The following FBXW8 variants were observed in gnomAD, a reference collection of about 807,000 sequenced individuals.
FBXW8 encodes F-box/WD repeat-containing protein 8.
Under a neutral mutation model 65.3 loss-of-function variants are expected in FBXW8, and 57 were observed. The observed-to-expected ratio is 0.87, with a 90% CI of 0.71 to 1.09. FBXW8 has a LOEUF of 1.09. Among genes scored for constraint, FBXW8 ranks in the 50% least tolerant of loss-of-function variants. FBXW8 has a pLI of 0.00. For synonymous variants in FBXW8, 308 were observed against 330.2 expected (o/e 0.93, Z 0.73); for missense variants, 777 against 814.8 (o/e 0.95, Z 0.57).
At chr12:117,002,561 AT>A (rs774630309) in intron 7 of FBXW8, 35 of 152,284 alleles carry the variant, frequency 2.3e-4, no homozygotes, top group Middle Eastern at 6.8e-3. Flanking sequence ...CACCTTTGGG[AT>A]GGTGGTGAAA....
In FBXW8 at chr12:116,985,361, G is replaced by A; in HGVS notation, c.991G>A (p.Gly331Arg). ...DVVMLSPNEE[G>R]YWQIAAEFEV... ...CGTGATGTTATCCCCCAATGAGGAG[G>A]GGTACTGGCAGATAGCTGCGGAATT... Residue 331 changes from glycine to arginine, a missense_variant, in exon 6 of 11, where the codon GGG (glycine) becomes AGG (arginine). Physicochemically the swap from Gly to Arg is moderately radical, Grantham distance 125. Transcript: ENST00000652555. 6.2e-7 allele frequency: 1 copy of A among 1,613,664 alleles called. No individual in the cohort carries two copies. Among genetic ancestry groups the A allele is most frequent in the Middle Eastern group, 1.7e-4 (1 of 6,058 alleles).
intron 7 of FBXW8, among the ~76,000 whole-genome samples, chr12:117,008,467 C>A (rs180925222): frequency 6.6e-6 from 1 of 152,188 alleles, no homozygotes; most frequent in Admixed American, 6.5e-5. Flanking sequence ...TTTTTCTTTT[C>A]AACTGCAATT....
At chr12:116,971,567 C>T (rs942614199) in intron 5 of FBXW8, among the ~76,000 whole-genome samples, 1 of 152,014 alleles carries the variant, frequency 6.6e-6, no homozygotes, top group Non-Finnish European at 1.5e-5. Flanking sequence ...TCCTCAGTGA[C>T]AGGAGCTTGA....
intron 4 of FBXW8, among the ~76,000 whole-genome samples, chr12:116,956,310 T>C (rs939454896): frequency 6.6e-6 from 1 of 152,140 alleles, no homozygotes; most frequent in Non-Finnish European, 1.5e-5. Context: ...CCATTAGCGC[T>C]CTTCTTACCC....
intron 5 of FBXW8, among the ~76,000 whole-genome samples, chr12:116,982,454 C>T (rs1354404657): frequency 6.6e-6 from 1 of 152,132 alleles, no homozygotes; most frequent in Non-Finnish European, 1.5e-5. Flanking sequence ...AATGATTTTG[C>T]ACCTAAAAAT....
In FBXW8 at chr12:116,996,906, C is replaced by T. The variant is rs182836375; in HGVS notation, c.1239+8037C>T. 8.4e-4 allele frequency among the ~76,000 whole-genome samples: 128 copies of T among 152,240 alleles called. No individual in the cohort carries two copies. The East Asian group carries it at 0.018, about 22-fold the overall frequency. On this transcript the variant is annotated intron_variant, in intron 7 of 10. Transcript: ENST00000652555. ...GGGATTACAGCCTTGTGGTCCTTAA[C>T]AGCGACTTGGCGATGTAAAGGAGGC...
Position 117,028,060 on chromosome 12 carries a change from C to T in FBXW8, c.1685C>T (p.Ala562Val), listed in dbSNP as rs536148392. 27 of 1,613,924 alleles carry T rather than the reference C, an allele frequency of 1.7e-5. No individual in the cohort carries two copies. The highest frequency in any genetic ancestry group is 2.7e-5 in the African/African-American group (2 of 74,930). ...HRGLIRAYEF[A>V]VDQLAFQSPL... ...GGGCTGATCCGCGCCTATGAGTTTG[C>T]GGTGGACCAGCTGGCCTTCCAGAGC... Residue 562 changes from alanine to valine, a missense_variant, in exon 11 of 11, where the codon GCG (alanine) becomes GTG (valine). Transcript: ENST00000652555. This position sits in a 1 kb window ranked among gnomAD's most constrained non-coding sequence, Gnocchi z 4.1.
chr12:117,015,687 G>A (rs1953934199), intron 8 of FBXW8, among the ~76,000 whole-genome samples: 1 of 152,188 alleles, frequency 6.6e-6, no homozygotes, highest in South Asian at 2.1e-4. Flanking sequence ...CAGCTGTACT[G>A]AGATTTAATT....
intron 8 of FBXW8, among the ~76,000 whole-genome samples, chr12:117,018,579 GTGCTGTC>G (rs1439098350): frequency 1.6e-4 from 24 of 149,284 alleles, no homozygotes; most frequent in African/African-American, 5.3e-4. Flanking sequence ...TTAGCACACT[GTGCTGTC>G]TGCTGTTTCT....
chr12:116,911,292 T>C lies in FBXW8; in HGVS notation c.255T>C (p.Ser85=). The change falls in exon 1 of 11, where the codon TCT becomes TCC. Residue 85 remains serine (S), a synonymous_variant. Transcript: ENST00000652555. The part of the protein sequence containing the change: ...EGQDVASRSR[S]PLAREGAGGG... ...AGGACGTAGCGAGCCGCTCACGTTCTCCTCTGGCCCGCGAGGGCGCCGGGG... is the reference window on the plus strand; with the variant it reads ...AGGACGTAGCGAGCCGCTCACGTTCCCCTCTGGCCCGCGAGGGCGCCGGGG... 7.9e-7 allele frequency: 1 copy of C among 1,268,728 alleles called. No individual in the cohort carries two copies. Among genetic ancestry groups the C allele is most frequent in the Non-Finnish European group, 9.9e-7 (1 of 1,010,250 alleles). The allele number at this position is 1,268,728 out of a possible 1,614,324, so 78.6% of individuals were successfully genotyped here.
chr12:116,926,711 C>A (rs1240974884), intron 1 of FBXW8, among the ~76,000 whole-genome samples: 3 of 151,938 alleles, frequency 2.0e-5, no homozygotes, highest in South Asian at 4.2e-4. Flanking sequence ...TTCTCTTTGC[C>A]CACAGAGAGC....
intron 8 of FBXW8, among the ~76,000 whole-genome samples, chr12:117,018,822 T>C (rs970173124): frequency 2.0e-5 from 3 of 152,244 alleles, no homozygotes; most frequent in South Asian, 4.1e-4. Flanking sequence ...TTTGAACTTC[T>C]GGACCAAATT....
Position 116,982,997 on chromosome 12 carries a change from G to C in FBXW8, c.836-2209G>C, listed in dbSNP as rs534333340. ...ATAACAAGTGGCTTTGGACCAAGTT[G>C]TTTAACCGCTCGGTGCTTCTGTTTC... On this transcript the variant is annotated intron_variant, in intron 5 of 10. Transcript: ENST00000652555. 1.1e-4 allele frequency among the ~76,000 whole-genome samples: 17 copies of C among 152,278 alleles called. No homozygotes were observed. The South Asian group carries it at 3.3e-3, about 30-fold the overall frequency.
intron 7 of FBXW8, among the ~76,000 whole-genome samples, chr12:116,995,849 C>G (rs953693468): frequency 1.3e-5 from 2 of 152,174 alleles, no homozygotes; most frequent in Admixed American, 1.3e-4. Context: ...GTTAATGTAG[C>G]CTTCGTGCCC....
intron 7 of FBXW8, among the ~76,000 whole-genome samples, chr12:116,993,251 G>A (rs375864228): frequency 2.8e-4 from 43 of 151,772 alleles, no homozygotes; most frequent in African/African-American, 9.4e-4. Flanking sequence ...TTACAGGCAC[G>A]TGCCACCACG....
At chr12:116,962,004 G>A (rs938569605) in intron 4 of FBXW8, among the ~76,000 whole-genome samples, 1 of 152,144 alleles carries the variant, frequency 6.6e-6, no homozygotes, top group Non-Finnish European at 1.5e-5. Context: ...CTTGGCACCT[G>A]AGCATCTATA....
intron 4 of FBXW8, among the ~76,000 whole-genome samples, chr12:116,960,056 A>G (rs1883885251): frequency 6.6e-6 from 1 of 152,224 alleles, no homozygotes; most frequent in African/African-American, 2.4e-5. Context: ...TGGCATCTTA[A>G]TTGGTTGAGT....
At chr12:116,942,180 C>T (rs1882613689) in intron 2 of FBXW8, among the ~76,000 whole-genome samples, 1 of 151,628 alleles carries the variant, frequency 6.6e-6, no homozygotes, top group Non-Finnish European at 1.5e-5. Flanking sequence ...AGGCACACAC[C>T]ATCACATCTG....
rs74344876 is a variant in FBXW8, at chr12:116,954,887, C to G, written c.677+5181C>G. Among the ~76,000 whole-genome samples the G allele has an allele frequency of 4.4e-3, 673 of 152,250 alleles. 6 individuals carry two copies. Among genetic ancestry groups the G allele is most frequent in the African/African-American group, 0.015 (633 of 41,536 alleles). ...CTCTTCCTTCCTCCCCGTCTAACCTCCCTCCAGCTGGCTCCATCCCAGCCC... is the reference window on the plus strand; with the variant it reads ...CTCTTCCTTCCTCCCCGTCTAACCTGCCTCCAGCTGGCTCCATCCCAGCCC... On this transcript the variant is annotated intron_variant, in intron 4 of 10. Transcript: ENST00000652555.
Sources: allele counts gnomAD v4.1 joint callset (sites outside exome capture counted in the v4.1 genomes callset), GRCh38; gene constraint gnomAD v4.1.1; non-coding constraint Gnocchi (gnomAD v3.1); transcripts MANE v1.5; gene names NCBI Gene and HGNC (gene_info 2026-07-23, HGNC 2026-07-21).